Variants in RGS6 observed in about 807,000 individuals in gnomAD.
RGS6 encodes the protein regulator of G protein signaling 6.
Under a neutral mutation model 78.5 loss-of-function variants are expected in RGS6, and 30 were observed. The observed-to-expected ratio is 0.38, with a 90% CI of 0.29 to 0.52. RGS6 has a LOEUF of 0.52. Ranked by LOEUF, RGS6 falls within the 20% of genes least tolerant of loss-of-function variation. RGS6 has a pLI of 0.85. For missense variants in RGS6, 495 were observed against 609.7 expected, an observed-to-expected ratio of 0.81 and a Z score of 1.98; for synonymous variants, 206 against 206.0, an observed-to-expected ratio of 1.00 and a Z score of 0.00.
intron 2 of RGS6, among the ~76,000 whole-genome samples, chr14:72,263,718 A>G (rs2058571068): frequency 6.6e-6 from 1 of 152,172 alleles, no homozygotes; most frequent in Non-Finnish European, 1.5e-5. Context: ...GTGAACCAAG[A>G]AGTGAGCCCT....
At chr14:72,344,591 A>G (rs1267413779) in intron 2 of RGS6, among the ~76,000 whole-genome samples, 1 of 152,246 alleles carries the variant, frequency 6.6e-6, no homozygotes, top group East Asian at 1.9e-4. Flanking sequence ...TTAAGAATAT[A>G]GCACTCATGT....
intron 3 of RGS6, among the ~76,000 whole-genome samples, chr14:72,379,201 A>G (rs957617474): frequency 2.0e-5 from 3 of 152,142 alleles, no homozygotes; most frequent in African/African-American, 7.2e-5. Flanking sequence ...TAAAGGCCAC[A>G]TATGATAAAC....
chr14:71,995,442 A>G (rs1042893218), intron 2 of RGS6, among the ~76,000 whole-genome samples: 7 of 152,176 alleles, frequency 4.6e-5, no homozygotes, highest in Non-Finnish European at 7.3e-5. Context: ...TCTGCCTCAC[A>G]GGGACATAAG....
chr14:72,432,451 C>G (rs963174251), intron 3 of RGS6, among the ~76,000 whole-genome samples: 1 of 152,200 alleles, frequency 6.6e-6, no homozygotes, highest in African/African-American at 2.4e-5. Context: ...TGGGTAGCTC[C>G]ATGCACAAGA....
chr14:72,182,490 CA>C (rs1168218840), intron 2 of RGS6, among the ~76,000 whole-genome samples: 3 of 150,716 alleles, frequency 2.0e-5, no homozygotes, highest in Non-Finnish European at 4.4e-5. Context: ...TCCAACCAAG[CA>C]AAATTTAAAA....
At chr14:72,160,942 G>A (rs1172281626) in intron 2 of RGS6, among the ~76,000 whole-genome samples, 1 of 152,180 alleles carries the variant, frequency 6.6e-6, no homozygotes, top group East Asian at 1.9e-4. Context: ...TTACAAAAAT[G>A]CATGTTTATT....
At chr14:72,366,065 A>C (rs1018263622) in intron 3 of RGS6, among the ~76,000 whole-genome samples, 2 of 152,126 alleles carry the variant, frequency 1.3e-5, no homozygotes, top group African/African-American at 4.8e-5. Flanking sequence ...TGGGAACTAT[A>C]ATTTTCACAT....
chr14:71,921,020 T>A, the RGS6 span, among the ~76,000 whole-genome samples: 1 of 151,968 alleles, frequency 6.6e-6, no homozygotes, highest in Non-Finnish European at 1.5e-5. Context: ...AGAAAATAAC[T>A]TGATTTAAAA....
the RGS6 span, among the ~76,000 whole-genome samples, chr14:71,913,915 C>T: frequency 2.0e-5 from 3 of 152,200 alleles, no homozygotes; most frequent in African/African-American, 7.2e-5. Flanking sequence ...AGTGGATTAT[C>T]TAATTTACCT....
chr14:72,621,986 T>G, the RGS6 span, among the ~76,000 whole-genome samples: 1 of 152,070 alleles, frequency 6.6e-6, no homozygotes, highest in Non-Finnish European at 1.5e-5. Context: ...AGGAGAGAAG[T>G]CTGGGCCTGA....
intron 1 of RGS6, among the ~76,000 whole-genome samples, chr14:71,943,503 C>T (rs953688827): frequency 3.3e-5 from 5 of 152,162 alleles, no homozygotes; most frequent in Admixed American, 3.3e-4. Flanking sequence ...ATTTGATGGA[C>T]TCCCAAGTCT....
At chr14:72,551,553 C>T (rs1239023538) in intron 17 of RGS6, among the ~76,000 whole-genome samples, 1 of 152,188 alleles carries the variant, frequency 6.6e-6, no homozygotes, top group Non-Finnish European at 1.5e-5. Context: ...GTGGCCTGCT[C>T]GTGTGACCCC....
intron 13 of RGS6, 126 bp from the exon 14 acceptor site, chr14:72,510,028 C>T: frequency 9.4e-7 from 1 of 1,066,240 alleles, no homozygotes; most frequent in Non-Finnish European, 1.3e-6. Flanking sequence ...TAGAATCTGC[C>T]CCTTAAATAT....
the RGS6 span, among the ~76,000 whole-genome samples, chr14:72,618,262 G>T: frequency 6.6e-6 from 1 of 152,170 alleles, no homozygotes; most frequent in African/African-American, 2.4e-5. Flanking sequence ...CAAACACTAC[G>T]TGGAAGGAAG....
intron 3 of RGS6, among the ~76,000 whole-genome samples, chr14:72,354,426 G>GA (rs977579844): frequency 6.7e-6 from 1 of 149,246 alleles, no homozygotes; most frequent in African/African-American, 2.5e-5. Context: ...AGGAGTTTGA[G>GA]AGCAGCCTGG....
chr14:72,376,375 C>A (rs961023365), intron 3 of RGS6, among the ~76,000 whole-genome samples: 3 of 152,070 alleles, frequency 2.0e-5, no homozygotes, highest in African/African-American at 7.2e-5. Flanking sequence ...ATTAAGTGAA[C>A]AAATATTTGC....
At chr14:72,548,433 A>T (rs1316495849) in intron 17 of RGS6, among the ~76,000 whole-genome samples, 2 of 142,212 alleles carry the variant, frequency 1.4e-5, no homozygotes, top group South Asian at 2.2e-4. Context: ...AATCAAGTTT[A>T]AAAAAAAAAA....
At chr14:72,322,710 T>A (rs754175964) in intron 2 of RGS6, among the ~76,000 whole-genome samples, 6 of 152,108 alleles carry the variant, frequency 3.9e-5, no homozygotes, top group Non-Finnish European at 8.8e-5. Context: ...AAATGGGATT[T>A]AGTCTTAAAA....
At chr14:72,068,867 T>C (rs1386295661) in intron 2 of RGS6, among the ~76,000 whole-genome samples, 1 of 152,202 alleles carries the variant, frequency 6.6e-6, no homozygotes, top group African/African-American at 2.4e-5. Flanking sequence ...TACTTGACTT[T>C]AAATGGATCA....
Sources: allele counts gnomAD v4.1 joint callset (sites outside exome capture counted in the v4.1 genomes callset), GRCh38; gene constraint gnomAD v4.1.1; transcripts MANE v1.5; gene names NCBI Gene and HGNC (gene_info 2026-07-23, HGNC 2026-07-21).